The following SLC31A1 variants were observed in gnomAD, a reference collection of about 807,000 sequenced individuals.
SLC31A1 encodes solute carrier family 31 member 1, also known as high affinity copper uptake protein 1.
SLC31A1 carries 5 observed loss-of-function variants against 17.2 expected under a neutral mutation model. The ratio of observed to expected loss-of-function variants is 0.29; its 90% CI spans 0.15 to 0.61. The LOEUF (loss-of-function observed/expected upper bound fraction) is 0.61. Among genes scored for constraint, SLC31A1 ranks in the 20% least tolerant of loss-of-function variants. The probability of loss-of-function intolerance (pLI) is 0.86; values close to 1 mark genes in which losing one functional copy is unlikely to be tolerated. For missense variants in SLC31A1, 161 were observed against 241.4 expected (o/e 0.67, Z 2.21); for synonymous variants, 76 against 78.8 (o/e 0.96, Z 0.19).
intron 1 of SLC31A1, chr9:113,223,316 C>A (rs1831306350): frequency 1.6e-5 from 6 of 377,464 alleles, no homozygotes; most frequent in Admixed American, 7.3e-5. Flanking sequence ...AACTGCAGGA[C>A]TGGGTGCACC....
chr9:113,252,954 CT>C (rs369221979), intron 1 of SLC31A1, among the ~76,000 whole-genome samples: 29,016 of 104,924 alleles, frequency 0.28, 2,445 homozygotes, highest in Middle Eastern at 0.35. Context: ...TTCTTTTTTT[CT>C]TTTTTTTTTT....
Position 113,259,915 on chromosome 9 carries a change from T to C in SLC31A1, c.372-357T>C, listed in dbSNP as rs1483827760. ...TTTCTGTTTTTGTAGAATGTAAACT[T>C]TGCAAAGGTGGGAAGCCTAAAAATA... is the stretch of plus-strand genomic sequence containing the variant. On this transcript the variant is annotated intron_variant, in intron 4 of 4. Coordinates refer to ENST00000374212, the MANE Select transcript of SLC31A1 (RefSeq NM_001859.4). Among the ~76,000 whole-genome samples the C allele has an allele frequency of 3.3e-5, 5 of 152,140 alleles. No individual in the cohort carries two copies. In the South Asian group the frequency reaches 8.3e-4, roughly 25 times the overall value.
At chr9:113,242,379 G>A (rs766134889) in intron 1 of SLC31A1, among the ~76,000 whole-genome samples, 2 of 152,154 alleles carry the variant, frequency 1.3e-5, no homozygotes, top group Non-Finnish European at 2.9e-5. Flanking sequence ...GTACATACAG[G>A]CAGAAGAGGT....
intron 1 of SLC31A1, among the ~76,000 whole-genome samples, chr9:113,255,578 T>C (rs548280182): frequency 6.6e-6 from 1 of 152,070 alleles, no homozygotes; most frequent in East Asian, 1.9e-4. Flanking sequence ...CTGAGCGTGG[T>C]AGTGGTGCAG....
At position 113,257,136 on chromosome 9, in the gene SLC31A1, T is replaced by G; in HGVS notation, c.153T>G (p.Phe51Leu). ...MMMPMTFYFG[F>L]KNVELLFSGL... ...AGCCTATGACCTTCTACTTTGGCTT[T>G]AAGAATGTGGAACTACTGTTTTCCG... is the stretch of plus-strand genomic sequence containing the variant. The change falls in exon 3 of 5, where the codon TTT (phenylalanine) becomes TTG (leucine). Residue 51 changes from phenylalanine (F) to leucine (L), a missense_variant. By Grantham distance (22) the Phe-to-Leu change is conservative. Coordinates refer to ENST00000374212, the MANE Select transcript of SLC31A1 (RefSeq NM_001859.4). 6.2e-7 allele frequency: 1 copy of G among 1,614,004 alleles called. No individual in the cohort carries two copies. Among genetic ancestry groups the G allele is most frequent in the Middle Eastern group, 1.6e-4 (1 of 6,062 alleles).
intron 1 of SLC31A1, among the ~76,000 whole-genome samples, chr9:113,231,932 A>G (rs954713896): frequency 2.0e-5 from 3 of 152,248 alleles, no homozygotes; most frequent in African/African-American, 7.2e-5. Flanking sequence ...TAACTCCTGT[A>G]AAGTTACAGA....
Position 113,258,882 on chromosome 9 carries a change from AG to A in SLC31A1, c.371+21del. On this transcript the variant is annotated intron_variant, in intron 4 of 4. Coordinates refer to ENST00000374212, the MANE Select transcript of SLC31A1 (RefSeq NM_001859.4). This position sits in a 1 kb window ranked among gnomAD's most constrained non-coding sequence, Gnocchi z 4.8. ...TGTTGGGTAAGAACTGAACAGATCC[AG>A]ATGAAGTCCTAAAGAACTCGATCAG... 1 of 1,613,258 alleles carries A rather than the reference AG, an allele frequency of 6.2e-7. No individual in the cohort carries two copies. The highest frequency in any genetic ancestry group is 8.5e-7 in the Non-Finnish European group (1 of 1,179,146).
At chr9:113,259,250 A>G (rs1204199117) in intron 4 of SLC31A1, among the ~76,000 whole-genome samples, 1 of 152,230 alleles carries the variant, frequency 6.6e-6, no homozygotes, top group Non-Finnish European at 1.5e-5. Context: ...TTTCTTTACA[A>G]TGTAAGACTG....
At chr9:113,252,217 G>A (rs1428200613) in intron 1 of SLC31A1, among the ~76,000 whole-genome samples, 1 of 152,126 alleles carries the variant, frequency 6.6e-6, no homozygotes, top group African/African-American at 2.4e-5. Flanking sequence ...TTCAAAATTA[G>A]TTCATGGTAA....
At chr9:113,238,034 T>C (rs1323034991) in intron 1 of SLC31A1, among the ~76,000 whole-genome samples, 2 of 152,220 alleles carry the variant, frequency 1.3e-5, no homozygotes, top group African/African-American at 4.8e-5. Flanking sequence ...ACATATATGG[T>C]CTTTTCTCCC....
chr9:113,230,159 G>A (rs1831385585), intron 1 of SLC31A1, among the ~76,000 whole-genome samples: 1 of 152,176 alleles, frequency 6.6e-6, no homozygotes, highest in African/African-American at 2.4e-5. Context: ...ATGGTTATGA[G>A]GTGTGTGATA....
chr9:113,247,208 A>G (rs1305679270), intron 1 of SLC31A1, among the ~76,000 whole-genome samples: 1 of 152,200 alleles, frequency 6.6e-6, no homozygotes, highest in Non-Finnish European at 1.5e-5. Flanking sequence ...GAGAAACTAG[A>G]TAGATTTCTC....
intron 1 of SLC31A1, among the ~76,000 whole-genome samples, chr9:113,226,339 C>G (rs1831342507): frequency 6.6e-6 from 1 of 151,974 alleles, no homozygotes; most frequent in South Asian, 2.1e-4. Context: ...CTCTTAAATC[C>G]ATTTTAAAAA....
chr9:113,226,791 A>G (rs1831346320), intron 1 of SLC31A1, among the ~76,000 whole-genome samples: 1 of 152,210 alleles, frequency 6.6e-6, no homozygotes, highest in South Asian at 2.1e-4. Context: ...CCCTAGATAG[A>G]AGAGTTATTG....
At chr9:113,256,064 T>A (rs532190272) in intron 1 of SLC31A1, 50 bp from the exon 2 acceptor site, 1 of 1,355,056 alleles carries the variant, frequency 7.4e-7, no homozygotes, top group South Asian at 1.4e-5. Flanking sequence ...AAAAAAGAGA[T>A]AAGATTTTTA....
At chr9:113,233,161 A>T (rs777288166) in intron 1 of SLC31A1, among the ~76,000 whole-genome samples, 1 of 152,250 alleles carries the variant, frequency 6.6e-6, no homozygotes, top group Non-Finnish European at 1.5e-5. Context: ...GAAATAGGTT[A>T]GTTTTATTTT....
At chr9:113,257,505 A>C (rs1831741764) in intron 3 of SLC31A1, among the ~76,000 whole-genome samples, 1 of 108,620 alleles carries the variant, frequency 9.2e-6, no homozygotes, top group Non-Finnish European at 1.8e-5. Context: ...TTTTTTTGAG[A>C]CGGAGTTTCA....
At chr9:113,240,895 C>T (rs1300114870) in intron 1 of SLC31A1, among the ~76,000 whole-genome samples, 7 of 151,704 alleles carry the variant, frequency 4.6e-5, no homozygotes, top group Non-Finnish European at 1.0e-4. Flanking sequence ...ACTAAAAATA[C>T]AAAAATTAGC....
chr9:113,257,232 G>C, intron 3 of SLC31A1, 47 bp downstream of exon 3: 1 of 1,491,458 alleles, frequency 6.7e-7, no homozygotes, highest in Non-Finnish European at 9.4e-7. Flanking sequence ...TCACATGAGA[G>C]ACAGTGACAA....
Sources: gnomAD v4.1 joint callset for allele counts (sites outside exome capture counted in the v4.1 genomes callset) on GRCh38, gnomAD v4.1.1 for gene constraint, Gnocchi (gnomAD v3.1) non-coding constraint, MANE v1.5 for transcripts, NCBI Gene and HGNC (gene_info 2026-07-23, HGNC 2026-07-21) for gene names.